The following DCDC1 variants were observed in gnomAD, a reference collection of about 807,000 sequenced individuals.
DCDC1 encodes doublecortin domain-containing protein 1.
Under a neutral mutation model 178.3 loss-of-function variants are expected in DCDC1, and 200 were observed. The observed-to-expected ratio is 1.12, with a 90% CI of 1.00 to 1.26. The LOEUF (loss-of-function observed/expected upper bound fraction) is 1.26, where lower values mean the gene tolerates loss of function less well. DCDC1 is among the 50% of genes most tolerant of loss of function. The pLI is 0.00. For missense variants in DCDC1, 1,983 were observed against 1,749.2 expected, an observed-to-expected ratio of 1.13 and a Z score of -2.38; for synonymous variants, 690 against 604.8, an observed-to-expected ratio of 1.14 and a Z score of -2.07.
chr11:31,253,456 T>C (rs1200971988), intron 8 of DCDC1, among the ~76,000 whole-genome samples: 1 of 151,838 alleles, frequency 6.6e-6, no homozygotes, highest in African/African-American at 2.4e-5. Context: ...TTGGAGATTT[T>C]TTTAAAAGTA....
chr11:31,021,703 T>C (rs949433680), intron 20 of DCDC1, among the ~76,000 whole-genome samples: 2 of 152,114 alleles, frequency 1.3e-5, no homozygotes, highest in Non-Finnish European at 2.9e-5. Context: ...ACCATGTAAA[T>C]AAACTACCTA....
intron 8 of DCDC1, among the ~76,000 whole-genome samples, chr11:31,256,647 G>A (rs1199220966): frequency 6.6e-6 from 1 of 152,130 alleles, no homozygotes; most frequent in Non-Finnish European, 1.5e-5. Context: ...AACTTCAGCG[G>A]TGTCTAGCTG....
intron 7 of DCDC1, among the ~76,000 whole-genome samples, chr11:31,279,772 A>C (rs914805583): frequency 6.6e-6 from 1 of 152,076 alleles, no homozygotes; most frequent in African/African-American, 2.4e-5. Context: ...ACATCAGGAG[A>C]AATACCTAAT....
chr11:31,288,600 C>T (rs576064720), intron 7 of DCDC1, among the ~76,000 whole-genome samples: 1 of 151,866 alleles, frequency 6.6e-6, no homozygotes, highest in African/African-American at 2.4e-5. Context: ...CTCTTCTTAT[C>T]TCATTGCAAT....
At chr11:31,268,066 TCTC>T (rs928167310) in intron 7 of DCDC1, among the ~76,000 whole-genome samples, 7 of 152,212 alleles carry the variant, frequency 4.6e-5, no homozygotes, top group Admixed American at 6.5e-5. Context: ...CAAGACATAA[TCTC>T]CTCTTTACAA....
rs78809690 is a variant in DCDC1 at position 31,140,181 on chromosome 11, C to T, written c.1222-2397G>A. ...TTCTTCATTAAAATAAAACTATATG[C>T]TTTCGATTTGCTGTTCTTATCTAAA... is the stretch of plus-strand genomic sequence containing the variant. On this transcript the variant is annotated intron_variant, in intron 9 of 38. Transcript: ENST00000684477. 8.3e-3 allele frequency among the ~76,000 whole-genome samples: 1,260 copies of T among 152,190 alleles called. 22 individuals are homozygous for T. The highest frequency in any genetic ancestry group is 0.029 in the African/African-American group (1,206 of 41,520).
chr11:31,138,670 T>C (rs1334220978), intron 9 of DCDC1, among the ~76,000 whole-genome samples: 1 of 152,154 alleles, frequency 6.6e-6, no homozygotes, highest in Non-Finnish European at 1.5e-5. Context: ...GTTTTGTTAG[T>C]GTTGTTATTT....
intron 38 of DCDC1, among the ~76,000 whole-genome samples, chr11:30,874,485 C>T (rs549968296): frequency 3.3e-5 from 5 of 151,704 alleles, no homozygotes; most frequent in Admixed American, 6.6e-5. Flanking sequence ...GCCAGGAAGA[C>T]GGGAAAAGGC....
intron 9 of DCDC1, among the ~76,000 whole-genome samples, chr11:31,167,874 A>G (rs1048403127): frequency 6.6e-6 from 1 of 152,298 alleles, no homozygotes; most frequent in Middle Eastern, 3.4e-3. Flanking sequence ...AGGCATCCAT[A>G]TCTTTTGAAA....
intron 20 of DCDC1, among the ~76,000 whole-genome samples, chr11:31,060,672 T>C (rs1955861732): frequency 6.6e-6 from 1 of 152,168 alleles, no homozygotes; most frequent in South Asian, 2.1e-4. Context: ...ATAACTTGTA[T>C]TGATTTTTGT....
chr11:31,219,898 GGTTA>G (rs1974049875), intron 9 of DCDC1, among the ~76,000 whole-genome samples: 1 of 151,940 alleles, frequency 6.6e-6, no homozygotes, highest in Admixed American at 6.6e-5. Flanking sequence ...TGAAAACAGG[GGTTA>G]GTTAACTTGC....
chr11:31,070,460 C>T (rs888147035), intron 18 of DCDC1, among the ~76,000 whole-genome samples: 1 of 152,098 alleles, frequency 6.6e-6, no homozygotes, highest in Non-Finnish European at 1.5e-5. Flanking sequence ...TTTTTTACCA[C>T]CAGAAGATAA....
In DCDC1 at chr11:31,307,873, T is replaced by C; in HGVS notation, c.200A>G (p.Lys67Arg). 1 of 1,614,072 alleles carries C rather than the reference T, an allele frequency of 6.2e-7. No homozygotes were observed. Among genetic ancestry groups the C allele is most frequent in the Non-Finnish European group, 8.5e-7 (1 of 1,179,950 alleles). Residue 67 changes from lysine to arginine, a missense_variant, in exon 4 of 39, where the codon AAA (lysine) becomes AGA (arginine). Transcript: ENST00000684477. ...AGACTGCAAATAATCATCAGTAGTTTTAATAACTGCTTTTGCCTGGGATGA... is the reference window on the plus strand; with the variant it reads ...AGACTGCAAATAATCATCAGTAGTTCTAATAACTGCTTTTGCCTGGGATGA... ...FMSSQAKAVIKTTDDYLQSQF... is the reference protein window; with the variant it reads ...FMSSQAKAVIRTTDDYLQSQF...
At chr11:31,150,461 G>A (rs570677580) in intron 9 of DCDC1, among the ~76,000 whole-genome samples, 1 of 152,126 alleles carries the variant, frequency 6.6e-6, no homozygotes, top group Admixed American at 6.5e-5. Context: ...TATAAAAAGG[G>A]CATATGCCAA....
intron 1 of DCDC1, among the ~76,000 whole-genome samples, chr11:31,366,033 A>C (rs1459698812): frequency 6.6e-6 from 1 of 152,194 alleles, no homozygotes; most frequent in Non-Finnish European, 1.5e-5. Flanking sequence ...ACCTTTACTG[A>C]ATACTTATTA....
At chr11:31,212,282 A>C (rs567771231) in intron 9 of DCDC1, among the ~76,000 whole-genome samples, 1 of 152,244 alleles carries the variant, frequency 6.6e-6, no homozygotes, top group South Asian at 2.1e-4. Context: ...TTACAATGCG[A>C]AAATTTTGTT....
At chr11:31,036,486 TA>T (rs1954034199) in intron 20 of DCDC1, among the ~76,000 whole-genome samples, 1 of 152,114 alleles carries the variant, frequency 6.6e-6, no homozygotes, top group East Asian at 1.9e-4. Context: ...AAAAGCACAT[TA>T]ATAGCAGTGC....
chr11:31,220,555 A>T (rs1429344940), intron 9 of DCDC1, among the ~76,000 whole-genome samples: 1 of 152,200 alleles, frequency 6.6e-6, no homozygotes, highest in East Asian at 1.9e-4. Flanking sequence ...TTTCTGATTT[A>T]TGTTTGTTTT....
At chr11:31,278,082 G>T (rs77882318) in intron 7 of DCDC1, among the ~76,000 whole-genome samples, 1 of 152,020 alleles carries the variant, frequency 6.6e-6, no homozygotes, top group Non-Finnish European at 1.5e-5. Flanking sequence ...GAATGATTGT[G>T]AGGTAAGTTC....
Sources: allele counts gnomAD v4.1 joint callset (sites outside exome capture counted in the v4.1 genomes callset), GRCh38; gene constraint gnomAD v4.1.1; transcripts MANE v1.5; gene names NCBI Gene and HGNC (gene_info 2026-07-23, HGNC 2026-07-21).